FAM209A: variants seen among roughly 807,000 people sequenced by gnomAD.
The protein encoded by FAM209A is protein FAM209A.
FAM209A carries 4 observed loss-of-function variants against 9.8 expected under a neutral mutation model. The observed-to-expected ratio is 0.41, with a 90% CI of 0.20 to 0.94. The LOEUF (loss-of-function observed/expected upper bound fraction) is 0.94, where lower values mean the gene tolerates loss of function less well. FAM209A is among the 40% of genes least tolerant of loss of function. FAM209A has a pLI of 0.32. For synonymous variants in FAM209A, 55 were observed against 77.8 expected (o/e 0.71, Z 1.54); for missense variants, 205 against 209.4 (o/e 0.98, Z 0.13).
intron 1 of FAM209A, 60 bp from the exon 2 acceptor site, chr20:56,525,744 A>G (rs2146395887): frequency 4.5e-6 from 7 of 1,553,708 alleles, no homozygotes; most frequent in East Asian, 2.3e-5. Flanking sequence ...TTGTAACACG[A>G]ACTGTGTCAA....
At chr20:56,528,853 T>G (rs1985646242), downstream of FAM209A, among the ~76,000 whole-genome samples, 1 of 152,180 alleles carries the variant, frequency 6.6e-6, no homozygotes, top group Non-Finnish European at 1.5e-5. Flanking sequence ...CATATTAATT[T>G]TTGGCCCAAT....
downstream of FAM209A, among the ~76,000 whole-genome samples, chr20:56,528,771 G>A (rs896178848): frequency 4.6e-5 from 7 of 152,238 alleles, no homozygotes; most frequent in African/African-American, 1.7e-4. Context: ...AGCAAGGAAA[G>A]CTGCACAGAG....
chr20:56,526,902 A>G (rs1428447579), downstream of FAM209A, among the ~76,000 whole-genome samples: 2 of 152,202 alleles, frequency 1.3e-5, no homozygotes, highest in South Asian at 4.1e-4. Flanking sequence ...CCCCATCTCT[A>G]TTATTTTAAA....
At chr20:56,526,682 G>A (rs185378670), downstream of FAM209A, among the ~76,000 whole-genome samples, 15 of 151,440 alleles carry the variant, frequency 9.9e-5, no homozygotes, top group Admixed American at 7.9e-4. Flanking sequence ...CAGGAGAATC[G>A]CTCAAACCCG....
In FAM209A at chr20:56,525,579, C is replaced by T. The variant is rs569164067; in HGVS notation, c.250-225C>T. Among the ~76,000 whole-genome samples, 10 of 152,242 alleles carry T rather than the reference C, an allele frequency of 6.6e-5. No individual in the cohort carries two copies. The South Asian group carries it at 1.7e-3, about 25-fold the overall frequency. ...TAGAAAAGGAAGGGGAGAGAAAGTG[C>T]GTTCTCCCCTAGAAAGACCCAGCAC... On this transcript the variant is annotated intron_variant, in intron 1 of 1. Transcript: ENST00000371328.
Position 56,525,884 on chromosome 20 carries a change from CTG to C in FAM209A, c.333_334del (p.Ala112IlefsTer22), listed in dbSNP as rs1185704341. On this transcript the variant is annotated frameshift_variant, in exon 2 of 2. Coordinates refer to ENST00000371328, the MANE Select transcript of FAM209A (RefSeq NM_001012971.4). LOFTEE classifies it low-confidence loss of function (END_TRUNC). ...KKRNASPNKD[C>X]AFNTLMELEV... ...AAAGAAATGCTTCCCCCAACAAAGA[CTG>C]TGCATTCAATACCTTAATGGAACTC... is the stretch of plus-strand genomic sequence containing the variant. The C allele has an allele frequency of 1.2e-6, 2 of 1,614,234 alleles. No homozygotes were observed. Among genetic ancestry groups the C allele is most frequent in the South Asian group, 2.2e-5 (2 of 91,090 alleles).
chr20:56,530,584 A>C (rs939987746), downstream of FAM209A, among the ~76,000 whole-genome samples: 8 of 151,030 alleles, frequency 5.3e-5, no homozygotes, highest in African/African-American at 2.0e-4. Context: ...TGCAGCCGCA[A>C]CTCCTGGGCT....
At chr20:56,533,240 C>T in the FAM209A span, 1 of 1,571,224 alleles carries the variant, frequency 6.4e-7, no homozygotes, top group South Asian at 1.2e-5. Context: ...AGCTCAGGGC[C>T]TCTGTGACAT....
At chr20:56,531,600 C>A in the FAM209A span, among the ~76,000 whole-genome samples, 1 of 151,622 alleles carries the variant, frequency 6.6e-6, no homozygotes, top group East Asian at 1.9e-4. Context: ...CGTGCCCGGC[C>A]TCTTACCACA....
At chr20:56,525,746 C>A (rs1010780015) in intron 1 of FAM209A, 58 bp from the exon 2 acceptor site, 378 of 1,558,364 alleles carry the variant, frequency 2.4e-4, no homozygotes, top group Non-Finnish European at 3.2e-4. Context: ...GTAACACGAA[C>A]TGTGTCAAAA....
downstream of FAM209A, among the ~76,000 whole-genome samples, chr20:56,527,715 G>T (rs1433506790): frequency 1.3e-5 from 2 of 152,234 alleles, no homozygotes; most frequent in Non-Finnish European, 2.9e-5. Flanking sequence ...CAGCCCAGAT[G>T]CCTGGGGCCT....
the FAM209A span, among the ~76,000 whole-genome samples, chr20:56,532,741 C>T: frequency 6.6e-6 from 1 of 152,120 alleles, no homozygotes; most frequent in Non-Finnish European, 1.5e-5. Flanking sequence ...CTCAGCCTCC[C>T]AAAGTGCTGG....
chr20:56,529,360 T>A (rs893288451), downstream of FAM209A, among the ~76,000 whole-genome samples: 1 of 147,252 alleles, frequency 6.8e-6, no homozygotes, highest in Non-Finnish European at 1.5e-5. Flanking sequence ...CTACTAAAAA[T>A]ACAAAAATTA....
At position 56,526,081 on chromosome 20, in the gene FAM209A, G is replaced by A; in HGVS notation, c.*11G>A. 1 of 1,562,836 alleles carries A rather than the reference G, an allele frequency of 6.4e-7. No individual in the cohort carries two copies. The highest frequency in any genetic ancestry group is 8.6e-7 in the Non-Finnish European group (1 of 1,156,558). On this transcript the variant is annotated 3_prime_UTR_variant, in exon 2 of 2. Coordinates refer to ENST00000371328, the MANE Select transcript of FAM209A (RefSeq NM_001012971.4). ...GAAAGCTCTAGCTGAATGGATTTGTGTGTCAGGAGAGAAAAAAGTTGAGTG... is the reference window on the plus strand; with the variant it reads ...GAAAGCTCTAGCTGAATGGATTTGTATGTCAGGAGAGAAAAAAGTTGAGTG...
downstream of FAM209A, among the ~76,000 whole-genome samples, chr20:56,531,064 G>A (rs1985727991): frequency 6.6e-6 from 1 of 152,108 alleles, no homozygotes; most frequent in East Asian, 1.9e-4. Context: ...CAGGTATACT[G>A]TGGAGTCCTA....
chr20:56,531,245 TGCTC>T, the FAM209A span, among the ~76,000 whole-genome samples: 1 of 152,030 alleles, frequency 6.6e-6, no homozygotes, highest in Non-Finnish European at 1.5e-5. Context: ...AGTCCCCTTG[TGCTC>T]GTCTCTAAAG....
chr20:56,526,207 A>AT (rs1160130825), downstream of FAM209A: 2 of 1,258,714 alleles, frequency 1.6e-6, no homozygotes, highest in African/African-American at 3.0e-5. Context: ...GAAAAAGTGA[A>AT]TGGGAGACCA....
chr20:56,528,451 AT>A (rs1441003494), downstream of FAM209A, among the ~76,000 whole-genome samples: 11 of 143,580 alleles, frequency 7.7e-5, no homozygotes, highest in Admixed American at 1.4e-4. Flanking sequence ...AAAAAAAAAA[AT>A]TAGCCGGGCA....
chr20:56,533,486 C>T, the FAM209A span: 2 of 1,614,194 alleles, frequency 1.2e-6, no homozygotes, highest in Non-Finnish European at 8.5e-7. Flanking sequence ...GCAGAACCTA[C>T]CAGAGCACAC....
Sources: allele counts gnomAD v4.1 joint callset (sites outside exome capture counted in the v4.1 genomes callset), GRCh38; gene constraint gnomAD v4.1.1; transcripts MANE v1.5; gene names NCBI Gene and HGNC (gene_info 2026-07-23, HGNC 2026-07-21).